Variants in PACS2 observed in about 807,000 individuals in gnomAD.
PACS2 encodes PACS1-like protein.
PACS2 carries 36 observed loss-of-function variants against 113.0 expected under a neutral mutation model. The ratio of observed to expected loss-of-function variants is 0.32; its 90% confidence interval spans 0.24 to 0.42. PACS2 has a LOEUF of 0.42. Ranked by LOEUF, PACS2 falls within the 10% of genes least tolerant of loss-of-function variation. PACS2 has a pLI of 1.00. For synonymous variants in PACS2, 589 were observed against 536.1 expected (o/e 1.10, Z -1.36); for missense variants, 1,015 against 1,239.5 (o/e 0.82, Z 2.72).
At chr14:105,321,038 A>G (rs2058866017) in intron 1 of PACS2, among the ~76,000 whole-genome samples, 1 of 152,230 alleles carries the variant, frequency 6.6e-6, no homozygotes, top group African/African-American at 2.4e-5. Context: ...CTGTAATTCC[A>G]GCTACTCAGG....
chr14:105,382,824 G>A lies in PACS2; in HGVS notation c.1536G>A (p.Leu512=). 1.2e-6 allele frequency: 2 copies of A among 1,601,830 alleles called. No individual in the cohort carries two copies. Among genetic ancestry groups the A allele is most frequent in the Non-Finnish European group, 8.5e-7 (1 of 1,175,450 alleles). Residue 512 remains leucine (L), a synonymous_variant, in exon 15 of 25, where the codon CTG becomes CTA. Transcript: ENST00000447393. ...DWQGQFLSDV[L]QRHTLPVVCT... The stretch of plus-strand genomic sequence containing the variant: ...TCTGCCAGTTCCTCTCCGACGTCCT[G>A]CAGAGGCACACGCTCCCCGTGGTGT...
In PACS2 at chr14:105,355,114, C is replaced by G; in HGVS notation, c.360C>G (p.Arg120=). The part of the protein sequence containing the change: ...KLQIMLQRRK[R]YKNRTILGYK... ...AGATCATGCTGCAGCGCAGAAAGCGCTACAAGAACAGAACCATCCTGGGCT... is the reference window on the plus strand; with the variant it reads ...AGATCATGCTGCAGCGCAGAAAGCGGTACAAGAACAGAACCATCCTGGGCT... Residue 120 remains arginine, a synonymous_variant, in exon 4 of 25, where the codon CGC becomes CGG. Coordinates refer to ENST00000447393, the MANE Select transcript of PACS2 (RefSeq NM_001100913.3). This position sits in a 1 kb window ranked among gnomAD's most constrained non-coding sequence, Gnocchi z 4.1. 1 of 1,613,708 alleles carries G rather than the reference C, an allele frequency of 6.2e-7. No homozygotes were observed. The highest frequency in any genetic ancestry group is 8.5e-7 in the Non-Finnish European group (1 of 1,179,948).
chr14:105,379,054 G>A (rs587752494), intron 9 of PACS2, among the ~76,000 whole-genome samples: 1 of 152,284 alleles, frequency 6.6e-6, no homozygotes, highest in East Asian at 1.9e-4. Context: ...GGCCTGGGTG[G>A]TCCGGAAAGG....
intron 1 of PACS2, among the ~76,000 whole-genome samples, chr14:105,345,504 T>C (rs1393847436): frequency 6.6e-6 from 1 of 152,238 alleles, no homozygotes; most frequent in Admixed American, 6.5e-5. Flanking sequence ...TCAGAACGGC[T>C]TTAGCTGCAC....
At chr14:105,391,327 A>T in intron 21 of PACS2, 78 bp downstream of exon 21, 1 of 1,083,636 alleles carries the variant, frequency 9.2e-7, no homozygotes, top group Non-Finnish European at 1.4e-6. Flanking sequence ...AGTCCTGCAG[A>T]CCAGATCAAC....
intron 1 of PACS2, among the ~76,000 whole-genome samples, chr14:105,319,719 G>A (rs1437799774): frequency 6.6e-6 from 1 of 152,122 alleles, no homozygotes; most frequent in East Asian, 1.9e-4. Context: ...GAATATGGTT[G>A]GTTGCGTGGA....
At chr14:105,305,488 G>A (rs890474899) in intron 1 of PACS2, among the ~76,000 whole-genome samples, 3 of 152,192 alleles carry the variant, frequency 2.0e-5, no homozygotes, top group African/African-American at 7.2e-5. Flanking sequence ...CAGGAAGAGG[G>A]CACTGTCTAT....
chr14:105,370,051 A>G, intron 8 of PACS2, 151 bp downstream of exon 8: 1 of 671,984 alleles, frequency 1.5e-6, no homozygotes, highest in Non-Finnish European at 2.5e-6. Context: ...TGCGAGGCGC[A>G]GTGACAGTGG....
rs1014636825 is a variant in PACS2, at chr14:105,327,688, C to T, written c.119+12651C>T. On this transcript the variant is annotated intron_variant, in intron 1 of 24. Transcript: ENST00000447393. Reference sequence around the variant, plus strand: ...ACTGCACCTGACTCTGGTGGGCTATCGAAGGTTTTGGAGGTTTCTTTAATT... The same window carrying T: ...ACTGCACCTGACTCTGGTGGGCTATTGAAGGTTTTGGAGGTTTCTTTAATT... 9.2e-5 allele frequency among the ~76,000 whole-genome samples: 14 copies of T among 152,210 alleles called. No individual in the cohort carries two copies. The South Asian group carries it at 1.9e-3, about 20-fold the overall frequency.
chr14:105,369,462 C>T (rs1336480189), intron 7 of PACS2, among the ~76,000 whole-genome samples: 5 of 152,290 alleles, frequency 3.3e-5, no homozygotes, highest in African/African-American at 1.2e-4. Context: ...TGGAGCACGC[C>T]CCACCCCACA....
At chr14:105,301,669 C>G (rs985525450) in intron 1 of PACS2, among the ~76,000 whole-genome samples, 4 of 152,250 alleles carry the variant, frequency 2.6e-5, no homozygotes, top group Non-Finnish European at 4.4e-5. Flanking sequence ...GTTTTCTGTT[C>G]CCCTAAAATT....
At position 105,392,986 on chromosome 14, in the gene PACS2, G is replaced by A. The variant is rs1460014058; in HGVS notation, c.2482+141G>A. On this transcript the variant is annotated intron_variant, in intron 23 of 24. Transcript: ENST00000447393. ...CGCAGGCAGGGGCGGGTGGGGTGAG[G>A]GAGCCTGAATCCTGAGGGCAGTGAG... The A allele has an allele frequency of 4.9e-5, 35 of 714,898 alleles. No individual in the cohort carries two copies. In the Admixed American group the frequency reaches 8.5e-4, roughly 17 times the overall value. 44.3% of individuals were successfully genotyped at this position (714,898 alleles called of 1,614,324 possible). A position where few individuals can be genotyped will look rare whatever the true frequency, so the allele number is the denominator to read the frequency against.
rs139284064 is a variant in PACS2, at chr14:105,378,401, A to C, written c.960-1338A>C. 4.3e-3 allele frequency among the ~76,000 whole-genome samples: 648 copies of C among 152,170 alleles called. 9 individuals carry two copies. The highest frequency in any genetic ancestry group is 0.015 in the African/African-American group (634 of 41,500). On this transcript the variant is annotated intron_variant, in intron 9 of 24. Transcript: ENST00000447393. ...ACTGCTAAGTCCCGTCTGTTTTTTT[A>C]GGGGGCGGGGGAGTTGTTTGTTTCT...
intron 22 of PACS2, 76 bp from the exon 23 acceptor site, chr14:105,392,543 C>G: frequency 7.6e-7 from 1 of 1,321,008 alleles, no homozygotes; most frequent in South Asian, 1.3e-5. Flanking sequence ...ACCTCCTGGC[C>G]TGTCACAGGG....
At chr14:105,368,249 G>A (rs370378729) in intron 6 of PACS2, 102 bp downstream of exon 6, 2 of 919,124 alleles carry the variant, frequency 2.2e-6, no homozygotes, top group African/African-American at 1.6e-5. Flanking sequence ...GTGAGGGTGG[G>A]TGAGCCACGG....
At chr14:105,389,850 C>T in intron 19 of PACS2, 111 bp from the exon 20 acceptor site, 1 of 965,124 alleles carries the variant, frequency 1.0e-6, no homozygotes, top group Non-Finnish European at 1.7e-6. Context: ...GGCCATCCGG[C>T]AGGGCCGCGG....
At chr14:105,313,903 A>G (rs1029237344), upstream of PACS2, among the ~76,000 whole-genome samples, 1 of 152,212 alleles carries the variant, frequency 6.6e-6, no homozygotes, top group East Asian at 1.9e-4. Flanking sequence ...GGCTCTAGCC[A>G]TTGCCTCCTC....
chr14:105,309,854 C>T (rs1010622734), upstream of PACS2, among the ~76,000 whole-genome samples: 13 of 144,102 alleles, frequency 9.0e-5, no homozygotes, highest in African/African-American at 1.8e-4. The surrounding 1 kb of genome is among the most constrained non-coding windows in gnomAD (Gnocchi z 4.0). Flanking sequence ...GGCACAATCT[C>T]GGCTCACTGC....
At chr14:105,368,738 T>A (rs2061041734) in intron 7 of PACS2, among the ~76,000 whole-genome samples, 199 bp downstream of exon 7, 1 of 152,182 alleles carries the variant, frequency 6.6e-6, no homozygotes, top group Non-Finnish European at 1.5e-5. Context: ...ATCTCCTGGC[T>A]TTAGCCTTGT....
Sources: gnomAD v4.1 joint callset for allele counts (sites outside exome capture counted in the v4.1 genomes callset) on GRCh38, gnomAD v4.1.1 for gene constraint, Gnocchi (gnomAD v3.1) non-coding constraint, MANE v1.5 for transcripts, NCBI Gene and HGNC (gene_info 2026-07-23, HGNC 2026-07-21) for gene names.